Variants in FAM135B observed in about 807,000 individuals in gnomAD.
FAM135B encodes protein FAM135B.
In FAM135B, 43 loss-of-function variants were observed where a neutral mutation model predicts 127.7. The ratio of observed to expected loss-of-function variants is 0.34; its 90% CI spans 0.26 to 0.43. The LOEUF is 0.43. Ranked by LOEUF, FAM135B falls within the 20% of genes least tolerant of loss-of-function variation. FAM135B has a pLI of 1.00. For missense variants in FAM135B, 1,558 were observed against 1,725.6 expected, an observed-to-expected ratio of 0.90 and a Z score of 1.72; for synonymous variants, 670 against 665.1, an observed-to-expected ratio of 1.01 and a Z score of -0.11.
intron 13 of FAM135B, among the ~76,000 whole-genome samples, chr8:138,150,978 T>C (rs780302200): frequency 6.6e-6 from 1 of 152,102 alleles, no homozygotes; most frequent in Non-Finnish European, 1.5e-5. Flanking sequence ...GGTAGACTTA[T>C]TGACCATTTT....
intron 7 of FAM135B, among the ~76,000 whole-genome samples, chr8:138,230,204 T>A (rs1819807341): frequency 6.6e-6 from 1 of 152,130 alleles, no homozygotes; most frequent in African/African-American, 2.4e-5. Context: ...GTCATTCTGA[T>A]CAGCCACAAT....
chr8:138,323,516 C>A (rs1827592772), intron 2 of FAM135B, among the ~76,000 whole-genome samples: 1 of 152,172 alleles, frequency 6.6e-6, no homozygotes, highest in Non-Finnish European at 1.5e-5. Context: ...CAGGCTTTCT[C>A]CAGCCATGAG....
intron 9 of FAM135B, among the ~76,000 whole-genome samples, chr8:138,188,195 C>T (rs1272682897): frequency 6.6e-6 from 1 of 152,172 alleles, no homozygotes; most frequent in Non-Finnish European, 1.5e-5. Flanking sequence ...TATTCTTTAT[C>T]ATAGAACAGG....
chr8:138,453,338 A>G (rs1019405805), intron 1 of FAM135B, among the ~76,000 whole-genome samples: 2 of 152,102 alleles, frequency 1.3e-5, no homozygotes, highest in Non-Finnish European at 2.9e-5. Context: ...ATCCCATATA[A>G]AAATACCTAT....
chr8:138,371,542 G>C (rs1236600653), intron 1 of FAM135B, among the ~76,000 whole-genome samples: 1 of 152,158 alleles, frequency 6.6e-6, no homozygotes, highest in Admixed American at 6.5e-5. Context: ...ATCGTGATGA[G>C]TGCAGTGAGA....
chr8:138,178,176 A>G (rs1217569070), intron 10 of FAM135B, among the ~76,000 whole-genome samples: 6 of 151,626 alleles, frequency 4.0e-5, no homozygotes, highest in Admixed American at 1.3e-4. Flanking sequence ...TGAATCAGGG[A>G]GGTGGAGATT....
At chr8:138,275,487 C>T (rs1427470779) in intron 3 of FAM135B, among the ~76,000 whole-genome samples, 1 of 152,114 alleles carries the variant, frequency 6.6e-6, no homozygotes, top group Non-Finnish European at 1.5e-5. Context: ...GAGTTCAAGA[C>T]CAGCCTGGGT....
At position 138,379,173 on chromosome 8, in the gene FAM135B, T is replaced by A. The variant is rs540046417; in HGVS notation, c.-19-11171A>T. 3.3e-5 allele frequency among the ~76,000 whole-genome samples: 5 copies of A among 152,276 alleles called. No homozygotes were observed. The East Asian group carries it at 9.7e-4, about 29-fold the overall frequency. On this transcript the variant is annotated intron_variant, in intron 1 of 19. Coordinates refer to ENST00000395297, the MANE Select transcript of FAM135B (RefSeq NM_015912.4). ...CACATACAACAAGGAGCATACTGTC[T>A]CCAAGTTCTTTTTTTGGAGAGGCAA...
intron 3 of FAM135B, among the ~76,000 whole-genome samples, chr8:138,290,030 A>G (rs1458372033): frequency 6.6e-6 from 1 of 152,204 alleles, no homozygotes; most frequent in East Asian, 1.9e-4. Context: ...TGTGTCAGGA[A>G]GACATTCTCC....
At chr8:138,143,849 G>A (rs935253354) in intron 15 of FAM135B, among the ~76,000 whole-genome samples, 2 of 152,218 alleles carry the variant, frequency 1.3e-5, no homozygotes, top group Admixed American at 1.3e-4. Context: ...TGAATAGGAT[G>A]TCTCACAAAT....
rs553258169 is a variant in FAM135B, at chr8:138,152,965, T to A, written c.1510A>T (p.Ile504Phe). ...CCTGCTTTGTTTTGAAATTCACCAA[T>A]TGATATATACACCTGAGATTCAGAG... ...MCSESQVYIS[I>F]GEFQNKAGVP... The change falls in exon 13 of 20, where the codon ATT becomes TTT. Residue 504 changes from isoleucine to phenylalanine, a missense_variant. By Grantham distance (21) the Ile-to-Phe change is conservative. Coordinates refer to ENST00000395297, the MANE Select transcript of FAM135B (RefSeq NM_015912.4). The A allele has an allele frequency of 6.2e-7, 1 of 1,614,190 alleles. No homozygotes were observed. Among genetic ancestry groups the A allele is most frequent in the Admixed American group, 1.7e-5 (1 of 60,026 alleles).
Position 138,409,613 on chromosome 8 carries a change from T to C in FAM135B, c.-19-41611A>G, listed in dbSNP as rs1048147278. On this transcript the variant is annotated intron_variant, in intron 1 of 19. Coordinates refer to ENST00000395297, the MANE Select transcript of FAM135B (RefSeq NM_015912.4). ...AGAGCAGACTGGGCATGTTGGCTCA[T>C]GCCTGTAATCCCAGCACTTTGGGAG... 3.3e-5 allele frequency among the ~76,000 whole-genome samples: 5 copies of C among 152,120 alleles called. No individual in the cohort carries two copies. The South Asian group carries it at 6.2e-4, about 19-fold the overall frequency.
At chr8:138,159,866 G>C (rs1449355117) in intron 12 of FAM135B, among the ~76,000 whole-genome samples, 2 of 152,114 alleles carry the variant, frequency 1.3e-5, no homozygotes, top group African/African-American at 4.8e-5. Flanking sequence ...ATGGGGTCTT[G>C]ATAATTTATG....
intron 13 of FAM135B, among the ~76,000 whole-genome samples, chr8:138,150,232 C>A (rs1221989351): frequency 6.6e-6 from 1 of 152,044 alleles, no homozygotes; most frequent in South Asian, 2.1e-4. Context: ...ACTTAGAAGC[C>A]CCACAATGTT....
At chr8:138,161,684 G>A (rs958383868) in intron 12 of FAM135B, among the ~76,000 whole-genome samples, 1 of 152,080 alleles carries the variant, frequency 6.6e-6, no homozygotes, top group African/African-American at 2.4e-5. Context: ...TTGCAGCAAG[G>A]AAATAACGGA....
At chr8:138,252,238 T>C (rs1192121314) in intron 5 of FAM135B, among the ~76,000 whole-genome samples, 1 of 152,244 alleles carries the variant, frequency 6.6e-6, no homozygotes, top group African/African-American at 2.4e-5. Flanking sequence ...CTTTCCCCTT[T>C]ACTCTGTATG....
chr8:138,425,644 A>C (rs1158562540), intron 1 of FAM135B: 4 of 151,860 alleles, frequency 2.6e-5, no homozygotes, highest in African/African-American at 9.7e-5. Context: ...AGAGTGTGCT[A>C]AGCCTCATTC....
At chr8:138,296,714 T>C (rs1450829365) in intron 3 of FAM135B, among the ~76,000 whole-genome samples, 1 of 152,208 alleles carries the variant, frequency 6.6e-6, no homozygotes, top group Non-Finnish European at 1.5e-5. Flanking sequence ...ATACGTATTT[T>C]GTGTGATATA....
At chr8:138,228,476 A>C (rs1266469811) in intron 7 of FAM135B, among the ~76,000 whole-genome samples, 1 of 152,094 alleles carries the variant, frequency 6.6e-6, no homozygotes, top group Non-Finnish European at 1.5e-5. Flanking sequence ...TAAGAAGTGC[A>C]AATTTGTTGC....
Sources: allele counts gnomAD v4.1 joint callset (sites outside exome capture counted in the v4.1 genomes callset), GRCh38; gene constraint gnomAD v4.1.1; transcripts MANE v1.5; gene names NCBI Gene and HGNC (gene_info 2026-07-23, HGNC 2026-07-21).